Variants in NIN observed in about 807,000 individuals in gnomAD.
The protein encoded by NIN is ninein.
Under a neutral mutation model 257.6 loss-of-function variants are expected in NIN, and 137 were observed. The observed-to-expected ratio is 0.53, with a 90% CI of 0.46 to 0.61. The LOEUF is 0.61. NIN is among the 20% of genes least tolerant of loss of function. The pLI, the probability that NIN is intolerant of heterozygous loss-of-function variation, is 0.00. For missense variants in NIN, 2,439 were observed against 2,501.2 expected (o/e 0.98, Z 0.53); for synonymous variants, 918 against 919.8 (o/e 1.00, Z 0.04).
At chr14:50,746,547 T>C (rs776231265) in intron 22 of NIN, among the ~76,000 whole-genome samples, 60 of 152,342 alleles carry the variant, frequency 3.9e-4, no homozygotes, top group South Asian at 1.9e-3. Flanking sequence ...ACCAGATTTA[T>C]AGACTCAATG....
In NIN at chr14:50,758,231, C is replaced by A; in HGVS notation, c.2799G>T (p.Leu933=). The change falls in exon 18 of 31, where the codon CTG becomes CTT. Residue 933 remains leucine, a synonymous_variant. Coordinates refer to ENST00000530997, the MANE Select transcript of NIN (RefSeq NM_020921.4). ...TCTTCAGCTCAAGTATCTGGTCAGA[C>A]AGCAGGCTTTGCTGGGTTTCAGATA... ...RNVSETQQSL[L]SDQILELKSS... The A allele has an allele frequency of 6.2e-7, 1 of 1,614,228 alleles. No homozygotes were observed. Among genetic ancestry groups the A allele is most frequent in the East Asian group, 2.2e-5 (1 of 44,892 alleles).
At chr14:50,727,442 G>T (rs769206244) in intron 29 of NIN, 21 of 1,163,964 alleles carry the variant, frequency 1.8e-5, no homozygotes, top group Non-Finnish European at 2.2e-5. Context: ...TCTTTAAAGG[G>T]TATAAATAAA....
chr14:50,803,421 A>G (rs904252555), intron 4 of NIN, among the ~76,000 whole-genome samples: 15 of 152,224 alleles, frequency 9.9e-5, no homozygotes, highest in Non-Finnish European at 2.1e-4. Flanking sequence ...TAACCAGCCA[A>G]ATAATGCAGA....
chr14:50,738,129 C>T lies in NIN; in HGVS notation c.5775+11G>A, dbSNP rs755037547. On this transcript the variant is annotated intron_variant, in intron 27 of 30. Transcript: ENST00000530997. ...AACACAGATGTACGCCATATATTCT[C>T]AAAAACTCACCTTCCTGTTAGCAGG... 23 of 1,613,592 alleles carry T rather than the reference C, an allele frequency of 1.4e-5. No homozygotes were observed. Among genetic ancestry groups the T allele is most frequent in the Non-Finnish European group, 1.9e-5 (22 of 1,179,808 alleles).
At chr14:50,767,157 C>A (rs1037809845) in intron 12 of NIN, among the ~76,000 whole-genome samples, 1 of 152,090 alleles carries the variant, frequency 6.6e-6, no homozygotes, top group African/African-American at 2.4e-5. Context: ...GGGTACTGGG[C>A]CCTTGAAGTG....
At chr14:50,760,575 A>T (rs2042238125) in intron 16 of NIN, among the ~76,000 whole-genome samples, 2 of 150,600 alleles carry the variant, frequency 1.3e-5, no homozygotes, top group Non-Finnish European at 2.9e-5. Flanking sequence ...GCTGAATTTT[A>T]TTAGTGTCTG....
In NIN at chr14:50,756,495, A is replaced by G. The variant is rs2042033044; in HGVS notation, c.4535T>C (p.Leu1512Pro). 1.3e-6 allele frequency: 2 copies of G among 1,594,216 alleles called. No homozygotes were observed. The highest frequency in any genetic ancestry group is 1.7e-6 in the Non-Finnish European group (2 of 1,171,598). Reference sequence around the variant, plus strand: ...GTCTAGAAGGTACATACATTACCTCAGAAGTTCAACTTTTTGCTGCATCTC... The same window carrying G: ...GTCTAGAAGGTACATACATTACCTCGGAAGTTCAACTTTTTGCTGCATCTC... ...CSEMQQKVEL[L>P]RYESEKLQQE... The change falls in exon 18 of 31, where the codon CTG (leucine) becomes CCG (proline). Residue 1512 changes from leucine (L) to proline (P), a missense_variant. This residue lies in a region of NIN where 2,043 missense variants were observed against 2,050.2 expected (regional missense o/e 1.00). Coordinates refer to ENST00000530997, the MANE Select transcript of NIN (RefSeq NM_020921.4).
chr14:50,817,808 C>A (rs879844375), intron 3 of NIN, among the ~76,000 whole-genome samples: 1 of 152,002 alleles, frequency 6.6e-6, no homozygotes, highest in African/African-American at 2.4e-5. Context: ...CTTTGTCTCC[C>A]GAGTTCAAGC....
rs34408175 is a variant in NIN, at chr14:50,731,528, CAAAAAA to C, written c.5878-1811_5878-1806del. ...CCTGGGTGACAGTGAGACTCCATCT[CAAAAAA>C]AAAAAAAAAAAAAAAATTAGGTCGC... is the stretch of plus-strand genomic sequence containing the variant. On this transcript the variant is annotated intron_variant, in intron 28 of 30. Transcript: ENST00000530997. Among the ~76,000 whole-genome samples, 27 of 96,076 alleles carry C rather than the reference CAAAAAA, an allele frequency of 2.8e-4. No individual in the cohort carries two copies. The East Asian group carries it at 7.2e-3, about 26-fold the overall frequency. 63.0% of individuals were successfully genotyped at this position (96,076 alleles called of 152,430 possible).
intron 30 of NIN, 129 bp downstream of exon 30, chr14:50,725,820 TACAG>T: frequency 1.3e-6 from 2 of 1,519,688 alleles, no homozygotes; most frequent in South Asian, 1.2e-5. Flanking sequence ...CCTAAGTTCT[TACAG>T]ACATTTATAA....
chr14:50,737,955 T>C lies in NIN; in HGVS notation c.5775+185A>G, dbSNP rs575604441. Among the ~76,000 whole-genome samples, 9 of 152,318 alleles carry C rather than the reference T, an allele frequency of 5.9e-5. No homozygotes were observed. The South Asian group carries it at 1.9e-3, about 32-fold the overall frequency. On this transcript the variant is annotated intron_variant, in intron 27 of 30. Transcript: ENST00000530997. ...CCACCACACCCGGCCAAACTGTTAT[T>C]TTTTCAACCATTATTCAATCAAAAA...
At chr14:50,775,010 T>G (rs1467967812) in intron 7 of NIN, among the ~76,000 whole-genome samples, 1 of 152,122 alleles carries the variant, frequency 6.6e-6, no homozygotes, top group Non-Finnish European at 1.5e-5. Flanking sequence ...TGGAAAATAA[T>G]CACAAACCCA....
intron 4 of NIN, among the ~76,000 whole-genome samples, chr14:50,799,269 G>A (rs1192653333): frequency 2.0e-5 from 3 of 152,130 alleles, no homozygotes; most frequent in East Asian, 3.9e-4. Flanking sequence ...AACAATAGGC[G>A]CTTCATGGAG....
chr14:50,747,751 G>GC (rs34972849), intron 22 of NIN, among the ~76,000 whole-genome samples: 16 of 83,568 alleles, frequency 1.9e-4, no homozygotes, highest in Middle Eastern at 7.8e-3. Context: ...AAAAAAAAAA[G>GC]GGGGGGATTT....
chr14:50,752,845 AATAT>A (rs749678299), intron 20 of NIN, 112 bp from the exon 21 acceptor site: 7 of 571,364 alleles, frequency 1.2e-5, no homozygotes, highest in South Asian at 2.6e-5. Context: ...TAAAGTTTAA[AATAT>A]ATATATATTT....
Position 50,761,980 on chromosome 14 carries a change from G to A in NIN, c.1775-69C>T, listed in dbSNP as rs546935752. On this transcript the variant is annotated intron_variant, in intron 15 of 30. Coordinates refer to ENST00000530997, the MANE Select transcript of NIN (RefSeq NM_020921.4). ...AATAACACAGTGTGGCATCTGAGGA[G>A]GGACATCCAGTTTAACTAAGGAATG... 1.4e-5 allele frequency: 22 copies of A among 1,526,542 alleles called. No homozygotes were observed. In the South Asian group the frequency reaches 2.5e-4, roughly 18 times the overall value. The allele number at this position is 1,526,542 out of a possible 1,614,324, so 94.6% of individuals were successfully genotyped here.
At chr14:50,822,104 G>A in intron 2 of NIN, 27 bp from the exon 3 acceptor site, 1 of 1,545,034 alleles carries the variant, frequency 6.5e-7, no homozygotes, top group Non-Finnish European at 8.9e-7. Flanking sequence ...GACAAGGACA[G>A]GTTGTGGCAG....
At chr14:50,799,468 C>A (rs1231864573) in intron 4 of NIN, among the ~76,000 whole-genome samples, 3 of 152,184 alleles carry the variant, frequency 2.0e-5, no homozygotes, top group Non-Finnish European at 4.4e-5. Context: ...GTTCCTCAAC[C>A]TCAATTTTTG....
At chr14:50,823,475 C>T (rs2045328455) in intron 2 of NIN, 1 of 278,326 alleles carries the variant, frequency 3.6e-6, no homozygotes, top group East Asian at 7.9e-5. Flanking sequence ...TTGAACACAG[C>T]CAGAACTGAA....
Sources: allele counts gnomAD v4.1 joint callset (sites outside exome capture counted in the v4.1 genomes callset), GRCh38; gene constraint gnomAD v4.1.1; regional missense constraint gnomAD v4.1.1; transcripts MANE v1.5; gene names NCBI Gene and HGNC (gene_info 2026-07-23, HGNC 2026-07-21).